The following FARS2 variants were observed in gnomAD, a reference collection of about 807,000 sequenced individuals.
The protein encoded by FARS2 is phenylalanine--tRNA ligase, mitochondrial.
FARS2 carries 40 observed loss-of-function variants against 46.4 expected under a neutral mutation model. The observed-to-expected ratio is 0.86, with a 90% CI of 0.67 to 1.12. The LOEUF (loss-of-function observed/expected upper bound fraction) is 1.12, where lower values mean the gene tolerates loss of function less well. Among genes scored for constraint, FARS2 ranks in the 50% most tolerant of loss-of-function variants. The probability of loss-of-function intolerance (pLI) is 0.00; values close to 1 mark genes in which losing one functional copy is unlikely to be tolerated. For missense variants in FARS2, 513 were observed against 567.9 expected (o/e 0.90, Z 0.98); for synonymous variants, 234 against 214.9 (o/e 1.09, Z -0.78).
At chr6:5,521,387 G>A (rs1769124541) in intron 4 of FARS2, among the ~76,000 whole-genome samples, 2 of 149,072 alleles carry the variant, frequency 1.3e-5, no homozygotes, top group Non-Finnish European at 3.0e-5. Flanking sequence ...AAAAAAAAAA[G>A]ATGAGGATAG....
chr6:5,386,507 G>A (rs1473533913), intron 2 of FARS2, among the ~76,000 whole-genome samples: 2 of 152,202 alleles, frequency 1.3e-5, no homozygotes, highest in Admixed American at 1.3e-4. Flanking sequence ...ATGGAGCAGG[G>A]TCAGGCAAGA....
intron 6 of FARS2, among the ~76,000 whole-genome samples, chr6:5,686,640 G>T (rs1249261702): frequency 6.6e-6 from 1 of 152,150 alleles, no homozygotes; most frequent in Non-Finnish European, 1.5e-5. Flanking sequence ...CTTTGCTATT[G>T]TGAATAGTGC....
At chr6:5,408,340 G>A (rs1421177531) in intron 3 of FARS2, among the ~76,000 whole-genome samples, 1 of 152,144 alleles carries the variant, frequency 6.6e-6, no homozygotes, top group African/African-American at 2.4e-5. Flanking sequence ...AGCAAGGTGG[G>A]GGGGCAGAAG....
chr6:5,370,487 G>T (rs954028296), intron 2 of FARS2, among the ~76,000 whole-genome samples: 2 of 152,046 alleles, frequency 1.3e-5, no homozygotes, highest in African/African-American at 4.8e-5. Context: ...TCAAAATCTG[G>T]GAAATATGAC....
chr6:5,586,337 G>A (rs1433886719), intron 5 of FARS2, among the ~76,000 whole-genome samples: 1 of 152,074 alleles, frequency 6.6e-6, no homozygotes, highest in African/African-American at 2.4e-5. Flanking sequence ...TGAGTGTGAT[G>A]TTTACTGTGG....
At chr6:5,270,305 C>A (rs537743082) in intron 1 of FARS2, among the ~76,000 whole-genome samples, 2 of 152,332 alleles carry the variant, frequency 1.3e-5, no homozygotes, top group South Asian at 4.1e-4. Flanking sequence ...TAACATTAAG[C>A]CCTGTTAGGA....
Position 5,545,132 on chromosome 6 carries a change from C to G in FARS2, c.905-48C>G, listed in dbSNP as rs369410736. 14 of 1,587,010 alleles carry G rather than the reference C, an allele frequency of 8.8e-6. No homozygotes were observed. The African/African-American group carries it at 1.7e-4, about 20-fold the overall frequency. ...CTGTCAGGGAGTGGTATGAACCTAT[C>G]CAATCTCGATACTTTTTAAAAACAA... On this transcript the variant is annotated intron_variant, in intron 4 of 6. Coordinates refer to ENST00000274680, the MANE Select transcript of FARS2 (RefSeq NM_006567.5).
chr6:5,585,484 C>G (rs1307971204), intron 5 of FARS2, among the ~76,000 whole-genome samples: 1 of 152,090 alleles, frequency 6.6e-6, no homozygotes, highest in Non-Finnish European at 1.5e-5. Flanking sequence ...TCCCCCACCC[C>G]CATCCCCTGG....
chr6:5,730,731 C>T (rs1423326480), intron 6 of FARS2, among the ~76,000 whole-genome samples: 2 of 152,176 alleles, frequency 1.3e-5, no homozygotes, highest in African/African-American at 2.4e-5. Context: ...AAAGTCTTCA[C>T]TTACTCTTAT....
chr6:5,609,896 A>G, intron 5 of FARS2: 1 of 1,013,876 alleles, frequency 9.9e-7, no homozygotes. Flanking sequence ...TTCACAGTTA[A>G]GTGGGCATCT....
intron 1 of FARS2, among the ~76,000 whole-genome samples, chr6:5,326,971 C>T (rs1223563809): frequency 6.6e-6 from 1 of 152,194 alleles, no homozygotes; most frequent in African/African-American, 2.4e-5. Context: ...GGACATTAAA[C>T]GTGTGAATCA....
At chr6:5,342,683 C>T (rs888986662) in intron 1 of FARS2, among the ~76,000 whole-genome samples, 3 of 149,934 alleles carry the variant, frequency 2.0e-5, no homozygotes, top group East Asian at 2.0e-4. Context: ...ACCTGGGAGG[C>T]GGAGGTTGCA....
intron 4 of FARS2, among the ~76,000 whole-genome samples, chr6:5,508,357 A>G (rs1418627411): frequency 2.0e-5 from 3 of 152,192 alleles, no homozygotes; most frequent in African/African-American, 7.2e-5. Flanking sequence ...TCTTTGTCCT[A>G]ATTTATTTTT....
At chr6:5,609,226 A>C (rs970018295) in intron 5 of FARS2, 3 of 1,201,630 alleles carry the variant, frequency 2.5e-6, no homozygotes, top group Non-Finnish European at 3.7e-6. Flanking sequence ...TTGTTTCCTA[A>C]TTAAAATCTT....
intron 5 of FARS2, among the ~76,000 whole-genome samples, chr6:5,596,839 A>G (rs533427070): frequency 6.6e-6 from 1 of 152,294 alleles, no homozygotes; most frequent in East Asian, 1.9e-4. Flanking sequence ...TTTTCAGTTT[A>G]CAATGTAGGA....
chr6:5,565,919 A>G (rs556121674), intron 5 of FARS2, among the ~76,000 whole-genome samples: 2 of 152,284 alleles, frequency 1.3e-5, no homozygotes, highest in Non-Finnish European at 2.9e-5. Flanking sequence ...TTACCCTTGC[A>G]TTAGTTTATT....
chr6:5,384,122 G>C (rs796904882), intron 2 of FARS2, among the ~76,000 whole-genome samples: 4 of 152,222 alleles, frequency 2.6e-5, no homozygotes, highest in African/African-American at 9.6e-5. Flanking sequence ...TGTGCTTTTT[G>C]CCTTGACACA....
chr6:5,444,510 G>A lies in FARS2; in HGVS notation c.904+13338G>A, dbSNP rs1465174692. On this transcript the variant is annotated intron_variant, in intron 4 of 6. Transcript: ENST00000274680. The stretch of plus-strand genomic sequence containing the variant: ...AAAAAAAAAGAGAGAGAGAGAGAGA[G>A]AGAGGAAAAAATCTTAGTGCCAGGT... Among the ~76,000 whole-genome samples, 312 of 117,300 alleles carry A rather than the reference G, an allele frequency of 2.7e-3. 5 individuals carry two copies. Among genetic ancestry groups the A allele is most frequent in the African/African-American group, 7.1e-3 (192 of 27,202 alleles). The allele number at this position is 117,300 out of a possible 152,430, so 77.0% of individuals were successfully genotyped here.
intron 3 of FARS2, among the ~76,000 whole-genome samples, chr6:5,405,771 C>T (rs919011250): frequency 2.0e-5 from 3 of 151,810 alleles, no homozygotes; most frequent in African/African-American, 7.3e-5. Flanking sequence ...GGATTACAGG[C>T]GTGATCCACG....
Sources: allele counts gnomAD v4.1 joint callset (sites outside exome capture counted in the v4.1 genomes callset), GRCh38; gene constraint gnomAD v4.1.1; transcripts MANE v1.5; gene names NCBI Gene and HGNC (gene_info 2026-07-23, HGNC 2026-07-21).